Variants in SPTB observed in about 807,000 individuals in gnomAD.
SPTB encodes spectrin beta, erythrocytic, also known as spectrin beta chain, erythrocytic.
Under a neutral mutation model 256.2 loss-of-function variants are expected in SPTB, and 45 were observed. The observed-to-expected ratio is 0.18, with a 90% CI of 0.14 to 0.23. The LOEUF is 0.23. Ranked by LOEUF, SPTB falls within the 10% of genes least tolerant of loss-of-function variation. The pLI is 1.00. For synonymous variants in SPTB, 1,231 were observed against 1,243.1 expected (o/e 0.99, Z 0.21); for missense variants, 2,715 against 3,040.4 (o/e 0.89, Z 2.52).
At chr14:64,877,062 T>G (rs963987138) in intron 1 of SPTB, among the ~76,000 whole-genome samples, 3 of 152,054 alleles carry the variant, frequency 2.0e-5, no homozygotes, top group Admixed American at 6.5e-5. Context: ...ATGAATTTTT[T>G]ATAGCCATCC....
At chr14:64,877,056 A>G (rs565140993) in intron 1 of SPTB, among the ~76,000 whole-genome samples, 65 of 152,006 alleles carry the variant, frequency 4.3e-4, no homozygotes, top group Non-Finnish European at 5.1e-4. Flanking sequence ...TGCCTCATGA[A>G]TTTTTTATAG....
Position 64,796,771 on chromosome 14 carries a change from G to A in SPTB, c.1183-56C>T. 6.2e-7 allele frequency: 1 copy of A among 1,609,160 alleles called. No individual in the cohort carries two copies. Among genetic ancestry groups the A allele is most frequent in the Non-Finnish European group, 8.5e-7 (1 of 1,177,510 alleles). ...GGCACAGGAGAAATGCCTCACTTTG[G>A]GGGCTCCACCCCTTTCACCCAACAC... On this transcript the variant is annotated intron_variant, in intron 10 of 35. Transcript: ENST00000644917. The surrounding 1 kb of genome is among the most constrained non-coding windows in gnomAD (Gnocchi z 4.1).
intron 32 of SPTB, chr14:64,766,393 T>C (rs1177766435): frequency 3.3e-5 from 44 of 1,346,600 alleles, no homozygotes; most frequent in Non-Finnish European, 3.9e-5. Context: ...ACTAATCATC[T>C]CTGGCTAGTG....
In SPTB at chr14:64,793,415, C is replaced by T; in HGVS notation, c.2248G>A (p.Gly750Ser). The change falls in exon 14 of 36, where the codon GGC becomes AGC. Residue 750 changes from glycine to serine, a missense_variant. Around this residue, in one of 4 missense-constraint regions of SPTB, gnomAD observed 2,239 missense variants for 2,384.4 expected, o/e 0.94. Transcript: ENST00000644917. This position sits in a 1 kb window ranked among gnomAD's most constrained non-coding sequence, Gnocchi z 7.0. Reference sequence around the variant, plus strand: ...CAAGCCTTCAGGTCATCCGCATCGCCCTGGAACTGGAAAAAGTTCTCAGCA... The same window carrying T: ...CAAGCCTTCAGGTCATCCGCATCGCTCTGGAACTGGAAAAAGTTCTCAGCA... ...QDAENFFQFQGDADDLKAWLQ... is the reference protein window; with the variant it reads ...QDAENFFQFQSDADDLKAWLQ... 2 of 1,613,696 alleles carry T rather than the reference C, an allele frequency of 1.2e-6. No individual in the cohort carries two copies. Among genetic ancestry groups the T allele is most frequent in the Non-Finnish European group, 1.7e-6 (2 of 1,180,034 alleles).
intron 1 of SPTB, among the ~76,000 whole-genome samples, chr14:64,843,714 A>C (rs1327082764): frequency 6.6e-6 from 1 of 150,730 alleles, no homozygotes; most frequent in Non-Finnish European, 1.5e-5. Context: ...CTGGGAGAGA[A>C]GAGTGGGTGT....
At chr14:64,858,558 G>A (rs144007386) in intron 1 of SPTB, among the ~76,000 whole-genome samples, 2 of 152,248 alleles carry the variant, frequency 1.3e-5, no homozygotes, top group East Asian at 1.9e-4. Context: ...AGCGGAAGCT[G>A]CAACTGGACA....
Position 64,786,195 on chromosome 14 carries a change from A to G in SPTB, c.3561+209T>C, listed in dbSNP as rs939249335. 6.6e-6 allele frequency among the ~76,000 whole-genome samples: 1 copy of G among 152,172 alleles called. No homozygotes were observed. Among genetic ancestry groups the G allele is most frequent in the Non-Finnish European group, 1.5e-5 (1 of 68,034 alleles). On this transcript the variant is annotated intron_variant, in intron 16 of 35. Coordinates refer to ENST00000644917, the MANE Select transcript of SPTB (RefSeq NM_001355436.2). The surrounding 1 kb of genome is among the most constrained non-coding windows in gnomAD (Gnocchi z 5.6). ...CACCCAGGGCAAAATGCGCTTCTCT[A>G]GCCTCTGATAGACCCAAGAACAAGG...
At chr14:64,751,927 C>CAAAAAAAAAAA (rs374561563) in intron 33 of SPTB, among the ~76,000 whole-genome samples, 58 of 71,922 alleles carry the variant, frequency 8.1e-4, no homozygotes, top group African/African-American at 3.1e-3. Context: ...ACTAAAAATG[C>CAAAAAAAAAAA]AAAAAAAAAA....
At chr14:64,761,588 G>A (rs1398607137) in intron 32 of SPTB, among the ~76,000 whole-genome samples, 2 of 152,198 alleles carry the variant, frequency 1.3e-5, no homozygotes, top group African/African-American at 4.8e-5. Flanking sequence ...GGGATGCAGG[G>A]CAGAAGGGCA....
chr14:64,852,643 G>A lies in SPTB; in HGVS notation c.-52+27149C>T, dbSNP rs35955841. Among the ~76,000 whole-genome samples the A allele has an allele frequency of 0.44, 66,261 of 151,994 alleles. 18,076 individuals carry two copies. Among genetic ancestry groups the A allele is most frequent in the Non-Finnish European group, 0.6 (40,580 of 67,936 alleles). On this transcript the variant is annotated intron_variant, in intron 1 of 35. Transcript: ENST00000644917. The surrounding 1 kb of genome is among the most constrained non-coding windows in gnomAD (Gnocchi z 4.2). ...AACTATGTAGGATACTGGTAGGTGA[G>A]TGGAAATAGCAAGTGAGAGAAAGGG... is the stretch of plus-strand genomic sequence containing the variant.
At chr14:64,794,798 G>T (rs2139600342) in intron 12 of SPTB, among the ~76,000 whole-genome samples, 181 bp from the exon 13 acceptor site, 1 of 152,336 alleles carries the variant, frequency 6.6e-6, no homozygotes, top group South Asian at 2.1e-4. Context: ...TACTGGGGGT[G>T]CCCATCAGCA....
At chr14:64,822,259 G>GA (rs113454275) in intron 2 of SPTB, among the ~76,000 whole-genome samples, 20,279 of 132,770 alleles carry the variant, frequency 0.15, 3,471 homozygotes, top group African/African-American at 0.43. Flanking sequence ...AGGAGTTGGG[G>GA]AAAAAAAAAA....
At chr14:64,811,472 TTAGGTTA>T in intron 2 of SPTB, among the ~76,000 whole-genome samples, 1 of 152,312 alleles carries the variant, frequency 6.6e-6, no homozygotes, top group East Asian at 1.9e-4. Flanking sequence ...CAAGTGTATA[TTAGGTTA>T]TATTTTTAGG....
In SPTB at chr14:64,757,408, T is replaced by A. The variant is rs1339671003; in HGVS notation, c.6346-3615A>T. 3 of 152,286 alleles carry A rather than the reference T, an allele frequency of 2.0e-5. No homozygotes were observed. In the East Asian group the frequency reaches 5.8e-4, roughly 29 times the overall value. 9.4% of individuals were successfully genotyped at this position (152,286 alleles called of 1,614,324 possible). A position where few individuals can be genotyped will look rare whatever the true frequency, so the allele number is the denominator to read the frequency against. ...TTAATGGGTGCCTGGCCCACATTCC[T>A]TGGCAGGGACATTCAGAGGCTATGC... On this transcript the variant is annotated intron_variant, in intron 32 of 35. Transcript: ENST00000644917.
At chr14:64,849,043 T>C (rs766917382) in intron 1 of SPTB, among the ~76,000 whole-genome samples, 1 of 152,248 alleles carries the variant, frequency 6.6e-6, no homozygotes. Context: ...AAGATTTTTT[T>C]AAATAATTAA....
chr14:64,777,172 T>G lies in SPTB; in HGVS notation c.4564-1769A>C, dbSNP rs1043406973. ...AACCACACAGAGATCTGGGGTTGAG[T>G]GTTCCTGGCAAGAGGACTGAACAAG... On this transcript the variant is annotated intron_variant, in intron 22 of 35. Coordinates refer to ENST00000644917, the MANE Select transcript of SPTB (RefSeq NM_001355436.2). This position sits in a 1 kb window ranked among gnomAD's most constrained non-coding sequence, Gnocchi z 4.5. 2.6e-5 allele frequency among the ~76,000 whole-genome samples: 4 copies of G among 151,442 alleles called. No individual in the cohort carries two copies. The highest frequency in any genetic ancestry group is 5.9e-5 in the Non-Finnish European group (4 of 67,926).
rs765478193 is a variant in SPTB at position 64,793,732 on chromosome 14, CAGA to C, written c.1928_1930del (p.Phe643del). 3 of 1,614,202 alleles carry C rather than the reference CAGA, an allele frequency of 1.9e-6. No homozygotes were observed. Among genetic ancestry groups the C allele is most frequent in the African/African-American group, 2.7e-5 (2 of 75,036 alleles). On this transcript the variant is annotated inframe_deletion, in exon 14 of 36. Coordinates refer to ENST00000644917, the MANE Select transcript of SPTB (RefSeq NM_001355436.2). This position sits in a 1 kb window ranked among gnomAD's most constrained non-coding sequence, Gnocchi z 7.0. ...CCAGCTCTCAGCCTCATCCATCTCC[CAGA>C]AGAACTTCCAGAGTCGTTTGGACTG...
chr14:64,864,929 C>T (rs895326571), intron 1 of SPTB, among the ~76,000 whole-genome samples: 1 of 152,144 alleles, frequency 6.6e-6, no homozygotes, highest in Admixed American at 6.5e-5. Flanking sequence ...TATGCAAGCT[C>T]ATGCCAATAA....
chr14:64,800,042 A>G, intron 8 of SPTB, 108 bp from the exon 9 acceptor site: 1 of 1,379,010 alleles, frequency 7.3e-7, no homozygotes, highest in South Asian at 1.2e-5. Flanking sequence ...CCCACCTCCT[A>G]AGCCCTGGAG....
Sources: gnomAD v4.1 joint callset for allele counts (sites outside exome capture counted in the v4.1 genomes callset) on GRCh38, gnomAD v4.1.1 for gene constraint, gnomAD v4.1.1 regional missense constraint, Gnocchi (gnomAD v3.1) non-coding constraint, MANE v1.5 for transcripts, NCBI Gene and HGNC (gene_info 2026-07-23, HGNC 2026-07-21) for gene names.